CSMD1: variants seen among roughly 807,000 people sequenced by gnomAD.
The protein encoded by CSMD1 is CUB and sushi domain-containing protein 1.
Under a neutral mutation model 417.5 loss-of-function variants are expected in CSMD1, and 213 were observed. The observed-to-expected ratio is 0.51, with a 90% CI of 0.46 to 0.57. The LOEUF is 0.57. Ranked by LOEUF, CSMD1 falls within the 20% of genes least tolerant of loss-of-function variation. The pLI is 0.00. For synonymous variants in CSMD1, 2,862 were observed against 1,736.8 expected, an observed-to-expected ratio of 1.65 and a Z score of -16.11; for missense variants, 6,923 against 4,529.7, an observed-to-expected ratio of 1.53 and a Z score of -15.17.
In CSMD1 at chr8:4,122,276, A is replaced by G. The variant is rs181891113; in HGVS notation, c.416-90177T>C. ...TTCGTACATTTCTTAAGACCTGGTTATTTATAGATTTGCTGGTCATAAGAC... is the reference window on the plus strand; with the variant it reads ...TTCGTACATTTCTTAAGACCTGGTTGTTTATAGATTTGCTGGTCATAAGAC... On this transcript the variant is annotated intron_variant, in intron 3 of 69. Transcript: ENST00000635120. Among the ~76,000 whole-genome samples the G allele has an allele frequency of 4.9e-3, 742 of 152,218 alleles. 16 individuals carry two copies. The highest frequency in any genetic ancestry group is 0.04 in the South Asian group (194 of 4,820).
intron 37 of CSMD1, among the ~76,000 whole-genome samples, chr8:3,174,433 T>A (rs1820782110): frequency 6.6e-6 from 1 of 152,160 alleles, no homozygotes; most frequent in Non-Finnish European, 1.5e-5. Flanking sequence ...AGGTTGAGAC[T>A]GAAGTGAGCT....
chr8:4,168,035 C>T (rs1050385140), intron 3 of CSMD1, among the ~76,000 whole-genome samples: 24 of 151,588 alleles, frequency 1.6e-4, no homozygotes, highest in African/African-American at 2.4e-4. Flanking sequence ...AAGCTGAGGC[C>T]GTAGAATTGC....
At chr8:3,440,476 T>G (rs1273982235) in intron 12 of CSMD1, among the ~76,000 whole-genome samples, 1 of 152,160 alleles carries the variant, frequency 6.6e-6, no homozygotes, top group Non-Finnish European at 1.5e-5. Context: ...TACAGTAGAT[T>G]TTGTTGTTGT....
intron 3 of CSMD1, among the ~76,000 whole-genome samples, chr8:4,197,847 C>A (rs866829576): frequency 1.3e-5 from 2 of 152,160 alleles, no homozygotes; most frequent in Admixed American, 1.3e-4. Context: ...CTACCACACT[C>A]CAGCCTGGGC....
chr8:3,788,213 C>T (rs994412824), intron 5 of CSMD1, among the ~76,000 whole-genome samples: 6 of 152,154 alleles, frequency 3.9e-5, no homozygotes, highest in Admixed American at 6.5e-5. Flanking sequence ...AGTTGGATCA[C>T]AGGATTTAAC....
At chr8:4,150,697 C>T (rs1433879328) in intron 3 of CSMD1, among the ~76,000 whole-genome samples, 1 of 152,218 alleles carries the variant, frequency 6.6e-6, no homozygotes, top group Admixed American at 6.5e-5. Flanking sequence ...TGGTTTAGAA[C>T]CTTAGGGTGT....
chr8:4,524,894 T>C (rs1245015906), intron 2 of CSMD1, among the ~76,000 whole-genome samples: 1 of 152,196 alleles, frequency 6.6e-6, no homozygotes, highest in Non-Finnish European at 1.5e-5. Context: ...CTAAGTATTC[T>C]TAAAAAGTAA....
chr8:3,139,968 T>C (rs1241195546), intron 41 of CSMD1, among the ~76,000 whole-genome samples: 1 of 150,830 alleles, frequency 6.6e-6, no homozygotes, highest in Non-Finnish European at 1.5e-5. Flanking sequence ...AATGGTGTGA[T>C]CTTGGCTCAC....
At chr8:3,653,780 A>G (rs1257318479) in intron 7 of CSMD1, among the ~76,000 whole-genome samples, 1 of 152,194 alleles carries the variant, frequency 6.6e-6, no homozygotes, top group African/African-American at 2.4e-5. Context: ...AAAATGACAT[A>G]TCCCTAACTC....
chr8:4,510,376 A>C (rs1057083556), intron 2 of CSMD1, among the ~76,000 whole-genome samples: 2 of 139,592 alleles, frequency 1.4e-5, no homozygotes, highest in Non-Finnish European at 3.1e-5. Flanking sequence ...TAGACAATTA[A>C]AAAGCATAAT....
At chr8:3,639,183 G>A (rs574267138) in intron 7 of CSMD1, among the ~76,000 whole-genome samples, 3 of 152,212 alleles carry the variant, frequency 2.0e-5, no homozygotes, top group Non-Finnish European at 4.4e-5. Context: ...AGAGGACAGA[G>A]TAAGTCAGAA....
Position 3,708,351 on chromosome 8 carries a change from C to A in CSMD1, c.1009+63G>T, listed in dbSNP as rs1801297724. Reference sequence around the variant, plus strand: ...GGTGGGTGGGATCGCTTCTTAACTGCTCCATTCTCTCCTCTGCTTACAAGG... The same window carrying A: ...GGTGGGTGGGATCGCTTCTTAACTGATCCATTCTCTCCTCTGCTTACAAGG... On this transcript the variant is annotated intron_variant, in intron 7 of 69. Transcript: ENST00000635120. 16 of 1,400,316 alleles carry A rather than the reference C, an allele frequency of 1.1e-5. No individual in the cohort carries two copies. In the Admixed American group the frequency reaches 2.5e-4, roughly 22 times the overall value. The allele number at this position is 1,400,316 out of a possible 1,614,324, so 86.7% of individuals were successfully genotyped here.
chr8:4,889,060 T>C (rs1421400094), intron 1 of CSMD1, among the ~76,000 whole-genome samples: 2 of 152,108 alleles, frequency 1.3e-5, no homozygotes, highest in South Asian at 2.1e-4. Context: ...AGGATGAATA[T>C]GTGGTAAGCC....
At chr8:3,497,942 T>G (rs900101803) in intron 10 of CSMD1, among the ~76,000 whole-genome samples, 5 of 152,230 alleles carry the variant, frequency 3.3e-5, no homozygotes, top group African/African-American at 1.2e-4. Context: ...CCTTTCACTT[T>G]CAGATGAAGG....
At chr8:3,571,755 C>CAA (rs57894725) in intron 10 of CSMD1, among the ~76,000 whole-genome samples, 8 of 151,846 alleles carry the variant, frequency 5.3e-5, no homozygotes, top group Non-Finnish European at 7.4e-5. Flanking sequence ...GCTAAGTCTC[C>CAA]GTCTGGGGCA....
intron 1 of CSMD1, among the ~76,000 whole-genome samples, chr8:4,904,997 T>G (rs182346185): frequency 6.6e-6 from 1 of 152,192 alleles, no homozygotes; most frequent in Non-Finnish European, 1.5e-5. Context: ...GCAAAGGTAT[T>G]ACTCACTCTA....
intron 3 of CSMD1, among the ~76,000 whole-genome samples, chr8:4,335,238 G>C (rs544399254): frequency 5.9e-5 from 9 of 152,092 alleles, no homozygotes; most frequent in African/African-American, 2.2e-4. Flanking sequence ...GATCCCATTT[G>C]TGAACACTTC....
chr8:4,094,189 C>A (rs1246162166), intron 3 of CSMD1, among the ~76,000 whole-genome samples: 1 of 151,938 alleles, frequency 6.6e-6, no homozygotes. Context: ...CTCTTTGGAG[C>A]CAAACCTGGG....
intron 1 of CSMD1, among the ~76,000 whole-genome samples, chr8:4,638,928 T>A (rs1022641099): frequency 1.3e-5 from 2 of 152,182 alleles, no homozygotes; most frequent in Admixed American, 6.5e-5. Flanking sequence ...ACTCCCAGAC[T>A]GCTGGAGTAG....
Sources: allele counts gnomAD v4.1 joint callset (sites outside exome capture counted in the v4.1 genomes callset), GRCh38; gene constraint gnomAD v4.1.1; transcripts MANE v1.5; gene names NCBI Gene and HGNC (gene_info 2026-07-23, HGNC 2026-07-21).